Variants in PRKN observed in about 807,000 individuals in gnomAD.
The protein encoded by PRKN is parkin RBR E3 ubiquitin protein ligase, also known as E3 ubiquitin-protein ligase parkin.
PRKN carries 56 observed loss-of-function variants against 59.5 expected under a neutral mutation model. The observed-to-expected ratio is 0.94, with a 90% confidence interval of 0.76 to 1.18. The LOEUF is 1.18. Ranked by LOEUF, PRKN falls within the 50% of genes most tolerant of loss-of-function variation. The pLI is 0.00. For synonymous variants in PRKN, 250 were observed against 222.1 expected (o/e 1.13, Z -1.12); for missense variants, 657 against 596.4 (o/e 1.10, Z -1.06).
chr6:162,721,344 T>C (rs1778935638), intron 1 of PRKN, among the ~76,000 whole-genome samples: 1 of 152,216 alleles, frequency 6.6e-6, no homozygotes, highest in Admixed American at 6.5e-5. Context: ...AACGTTCTAT[T>C]TCATAACTTT....
chr6:162,509,570 TC>T (rs1390743965), intron 1 of PRKN, among the ~76,000 whole-genome samples: 1 of 152,140 alleles, frequency 6.6e-6, no homozygotes, highest in Admixed American at 6.5e-5. Context: ...TATATACACA[TC>T]CATGCATCTC....
rs915598197 is a variant in PRKN at position 161,399,083 on chromosome 6, T to G, written c.1084-12206A>C. ...GGAGAGAAGAGAAGGAATATCTGAA[T>G]GTCGAGAGGAGTTCTGCTGCAGACA... is the stretch of plus-strand genomic sequence containing the variant. On this transcript the variant is annotated intron_variant, in intron 9 of 11. Coordinates refer to ENST00000366898, the MANE Select transcript of PRKN (RefSeq NM_004562.3). The surrounding 1 kb of genome is among the most constrained non-coding windows in gnomAD (Gnocchi z 4.4). 1.2e-4 allele frequency among the ~76,000 whole-genome samples: 19 copies of G among 152,206 alleles called. No homozygotes were observed. Among genetic ancestry groups the G allele is most frequent in the African/African-American group, 4.1e-4 (17 of 41,534 alleles).
chr6:162,717,266 T>A (rs926533490), intron 1 of PRKN, among the ~76,000 whole-genome samples: 1 of 152,002 alleles, frequency 6.6e-6, no homozygotes, highest in Admixed American at 6.6e-5. Flanking sequence ...AGCGAACACC[T>A]TGATTTTAGT....
intron 6 of PRKN, among the ~76,000 whole-genome samples, chr6:161,792,641 A>C (rs2128208372): frequency 6.6e-6 from 1 of 152,340 alleles, no homozygotes; most frequent in South Asian, 2.1e-4. Context: ...AATTTAGCTA[A>C]CACTTGACCC....
At chr6:162,431,166 C>G (rs1389903065) in intron 2 of PRKN, among the ~76,000 whole-genome samples, 3 of 139,806 alleles carry the variant, frequency 2.1e-5, no homozygotes, top group Non-Finnish European at 4.6e-5. Context: ...CTGCATTTAT[C>G]CCATTTAGTT....
chr6:162,449,825 G>A (rs1790504185), intron 1 of PRKN, among the ~76,000 whole-genome samples: 1 of 152,052 alleles, frequency 6.6e-6, no homozygotes, highest in African/African-American at 2.4e-5. Flanking sequence ...ATAAAATTGG[G>A]ACTTCACTAA....
chr6:162,645,946 C>T (rs2128225525), intron 1 of PRKN, among the ~76,000 whole-genome samples: 1 of 147,810 alleles, frequency 6.8e-6, no homozygotes, highest in East Asian at 2.0e-4. Context: ...AAGATCTCAG[C>T]TCACTGCAAG....
intron 7 of PRKN, among the ~76,000 whole-genome samples, chr6:161,678,020 T>C (rs934560754): frequency 3.9e-5 from 6 of 152,146 alleles, no homozygotes; most frequent in African/African-American, 1.4e-4. Flanking sequence ...TCAGACTGTC[T>C]AGATAACCTT....
chr6:161,848,167 C>A (rs941729218), intron 6 of PRKN, among the ~76,000 whole-genome samples: 1 of 152,170 alleles, frequency 6.6e-6, no homozygotes, highest in Non-Finnish European at 1.5e-5. Context: ...CAGCATATTT[C>A]GCCTTATTTC....
At chr6:161,615,921 C>T (rs896454838) in intron 7 of PRKN, among the ~76,000 whole-genome samples, 1 of 152,208 alleles carries the variant, frequency 6.6e-6, no homozygotes, top group African/African-American at 2.4e-5. Flanking sequence ...CACCCTCTCT[C>T]GGGTAAGCAT....
intron 7 of PRKN, among the ~76,000 whole-genome samples, chr6:161,698,516 G>GT (rs1167440339): frequency 2.0e-5 from 3 of 151,694 alleles, no homozygotes; most frequent in Admixed American, 6.6e-5. Context: ...TATGTAAACT[G>GT]TTTTTTTAAA....
intron 3 of PRKN, among the ~76,000 whole-genome samples, chr6:162,208,242 T>G (rs2023074): frequency 0.37 from 55,953 of 152,002 alleles, 11,430 homozygotes; most frequent in Non-Finnish European, 0.46. Flanking sequence ...TCCATGCTTT[T>G]AACGAGCCAT....
rs1332597787 is a variant in PRKN at position 161,579,417 on chromosome 6, C to A, written c.872-10001G>T. ...GAGGTTTCTTTAGGAGAAAAGAATTCTGAGTTCCAAACAATGTATAGACAT... is the reference window on the plus strand; with the variant it reads ...GAGGTTTCTTTAGGAGAAAAGAATTATGAGTTCCAAACAATGTATAGACAT... On this transcript the variant is annotated intron_variant, in intron 7 of 11. Coordinates refer to ENST00000366898, the MANE Select transcript of PRKN (RefSeq NM_004562.3). This position sits in a 1 kb window ranked among gnomAD's most constrained non-coding sequence, Gnocchi z 4.2. Among the ~76,000 whole-genome samples the A allele has an allele frequency of 6.6e-6, 1 of 152,162 alleles. No homozygotes were observed. Among genetic ancestry groups the A allele is most frequent in the Non-Finnish European group, 1.5e-5 (1 of 68,022 alleles).
intron 5 of PRKN, among the ~76,000 whole-genome samples, chr6:162,043,628 A>G (rs1416744725): frequency 1.3e-5 from 2 of 152,220 alleles, no homozygotes; most frequent in Non-Finnish European, 2.9e-5. Context: ...TATTGACTCA[A>G]TTGTCCTTTG....
intron 6 of PRKN, among the ~76,000 whole-genome samples, chr6:161,872,836 G>T (rs1794399621): frequency 6.6e-6 from 1 of 152,008 alleles, no homozygotes; most frequent in Admixed American, 6.6e-5. Flanking sequence ...AGGAGAAGGA[G>T]ACCTGTCTTC....
At chr6:161,469,254 CT>C (rs34727660) in intron 9 of PRKN, among the ~76,000 whole-genome samples, 1 of 152,154 alleles carries the variant, frequency 6.6e-6, no homozygotes, top group African/African-American at 2.4e-5. Context: ...GAAGATCTGA[CT>C]TTTTTTATAA....
intron 7 of PRKN, among the ~76,000 whole-genome samples, chr6:161,757,943 GTA>G (rs1261358549): frequency 1.0e-5 from 1 of 96,192 alleles, no homozygotes; most frequent in South Asian, 3.5e-4. Context: ...GTATATATAT[GTA>G]TATATATATA....
intron 3 of PRKN, among the ~76,000 whole-genome samples, chr6:162,259,817 T>C (rs1304337976): frequency 6.6e-6 from 1 of 152,206 alleles, no homozygotes; most frequent in East Asian, 1.9e-4. Context: ...TGGGGAAAAC[T>C]ACAGTTAATT....
At chr6:162,718,803 A>C (rs1401212673) in intron 1 of PRKN, among the ~76,000 whole-genome samples, 11 of 152,224 alleles carry the variant, frequency 7.2e-5, no homozygotes, top group Non-Finnish European at 1.5e-4. Context: ...GCCAGAACAT[A>C]AAAAACAAGC....
Sources: allele counts gnomAD v4.1 joint callset (sites outside exome capture counted in the v4.1 genomes callset), GRCh38; gene constraint gnomAD v4.1.1; non-coding constraint Gnocchi (gnomAD v3.1); transcripts MANE v1.5; gene names NCBI Gene and HGNC (gene_info 2026-07-23, HGNC 2026-07-21).